Variants in MISFA observed in about 807,000 individuals in gnomAD.
The protein encoded by MISFA is mitochondrial sheath formation-associated protein.
chr11:18,604,523 T>C, the MISFA span, among the ~76,000 whole-genome samples: 1 of 151,496 alleles, frequency 6.6e-6, no homozygotes, highest in African/African-American at 2.4e-5. Flanking sequence ...TAGGGCGTGG[T>C]GTGGTGGCAC....
the MISFA span, chr11:18,603,944 T>TTTG: frequency 2.9e-6 from 1 of 343,322 alleles, no homozygotes; most frequent in Non-Finnish European, 5.0e-6. Context: ...TTTTTTTTTT[T>TTTG]GAGACAGAGT....
chr11:18,604,127 C>T, the MISFA span, among the ~76,000 whole-genome samples: 2 of 151,586 alleles, frequency 1.3e-5, no homozygotes, highest in African/African-American at 4.8e-5. Flanking sequence ...GGGGTTTCAC[C>T]GTGTTATCCA....
At chr11:18,600,454 C>T in the MISFA span, among the ~76,000 whole-genome samples, 20 of 150,138 alleles carry the variant, frequency 1.3e-4, no homozygotes, top group South Asian at 4.2e-4. Context: ...CCACCCACCT[C>T]GGCCTCCCAA....
the MISFA span, chr11:18,607,866 C>G: frequency 1.3e-5 from 2 of 152,244 alleles, no homozygotes; most frequent in East Asian, 3.9e-4. Context: ...CATAATGGTG[C>G]CTTTCTGTAC....
chr11:18,608,681 T>C, the MISFA span: 1 of 152,414 alleles, frequency 6.6e-6, no homozygotes, highest in African/African-American at 2.4e-5. Flanking sequence ...ACTTGAAGGT[T>C]AAGGGCTATT....
chr11:18,603,917 C>CTTTTTTT, the MISFA span: 7 of 53,018 alleles, frequency 1.3e-4, 1 homozygote, highest in Non-Finnish European at 1.5e-4. Context: ...AGTTACCGCA[C>CTTTTTTT]TTTTTTTTTT....
the MISFA span, chr11:18,609,750 CCTT>C: frequency 2.3e-6 from 2 of 871,692 alleles, no homozygotes; most frequent in East Asian, 4.9e-5. Context: ...CATTCCTTCT[CCTT>C]GAGTACCCAA....
the MISFA span, among the ~76,000 whole-genome samples, chr11:18,603,528 G>A: frequency 1.9e-4 from 29 of 152,302 alleles, no homozygotes; most frequent in Admixed American, 2.0e-4. Context: ...CTGTAAAAGG[G>A]ATCTGGTGGC....
chr11:18,601,934 T>G, the MISFA span: 1 of 159,840 alleles, frequency 6.3e-6, no homozygotes, highest in Non-Finnish European at 1.4e-5. Context: ...AATGCAAAGC[T>G]CAAAAATTAG....
At chr11:18,604,816 C>T in the MISFA span, among the ~76,000 whole-genome samples, 1 of 152,150 alleles carries the variant, frequency 6.6e-6, no homozygotes, top group Admixed American at 6.5e-5. Context: ...ACACACACAG[C>T]CCTGGGCTGC....
At chr11:18,606,468 A>T in the MISFA span, 7 of 170,128 alleles carry the variant, frequency 4.1e-5, no homozygotes, top group African/African-American at 1.7e-4. Context: ...TCACCTGTAT[A>T]TGCAAAAGTA....
chr11:18,605,527 C>CT, the MISFA span, among the ~76,000 whole-genome samples: 8,883 of 151,932 alleles, frequency 0.058, 859 homozygotes, highest in African/African-American at 0.2. Flanking sequence ...AATGGATTAC[C>CT]TTTTTTTAAT....
chr11:18,609,151 C>G, the MISFA span: 1 of 152,146 alleles, frequency 6.6e-6, no homozygotes, highest in Non-Finnish European at 1.5e-5. Context: ...GCCAACATAA[C>G]AGTAAATCTG....
chr11:18,603,330 A>T, the MISFA span: 1 of 396,116 alleles, frequency 2.5e-6, no homozygotes, highest in Non-Finnish European at 4.4e-6. Flanking sequence ...AAGTTACTGT[A>T]GCTGTTGGGA....
At chr11:18,605,572 C>CTT in the MISFA span, among the ~76,000 whole-genome samples, 1 of 152,012 alleles carries the variant, frequency 6.6e-6, no homozygotes, top group Admixed American at 6.6e-5. Flanking sequence ...ATAAGCAAAA[C>CTT]TTTAGTAATT....
chr11:18,600,852 C>T, the MISFA span, among the ~76,000 whole-genome samples: 1 of 152,014 alleles, frequency 6.6e-6, no homozygotes, highest in Non-Finnish European at 1.5e-5. Flanking sequence ...TTTGTTTCCC[C>T]CTCCCTTGCA....
the MISFA span, chr11:18,601,319 C>T: frequency 2.5e-6 from 1 of 397,910 alleles, no homozygotes; most frequent in Non-Finnish European, 4.4e-6. Flanking sequence ...TTGGTGAGTA[C>T]TGCTGAGGAC....
chr11:18,604,963 C>G, the MISFA span, among the ~76,000 whole-genome samples: 1 of 152,150 alleles, frequency 6.6e-6, no homozygotes, highest in Non-Finnish European at 1.5e-5. Context: ...AGAAGTTAGG[C>G]CAGGCGTGGT....
the MISFA span, chr11:18,601,007 G>C: frequency 5.0e-6 from 2 of 398,154 alleles, no homozygotes; most frequent in Non-Finnish European, 8.9e-6. Flanking sequence ...CCTTTTAGCA[G>C]CCCTTCTGGT....
Sources: allele counts gnomAD v4.1 joint callset (sites outside exome capture counted in the v4.1 genomes callset), GRCh38; gene constraint gnomAD v4.1.1; transcripts MANE v1.5; gene names NCBI Gene and HGNC (gene_info 2026-07-23, HGNC 2026-07-21).